Variants in RHOBTB1 observed in about 807,000 individuals in gnomAD.
RHOBTB1 encodes the protein rho-related BTB domain-containing protein 1.
A neutral mutation model predicts 71.6 loss-of-function variants in RHOBTB1; 40 were observed. The ratio of observed to expected loss-of-function variants is 0.56; its 90% CI spans 0.43 to 0.73. The LOEUF is 0.73. Ranked by LOEUF, RHOBTB1 falls within the 30% of genes least tolerant of loss-of-function variation. The pLI is 0.00. For missense variants in RHOBTB1, 797 were observed against 894.0 expected, an observed-to-expected ratio of 0.89 and a Z score of 1.38; for synonymous variants, 319 against 334.9, an observed-to-expected ratio of 0.95 and a Z score of 0.52.
intron 4 of RHOBTB1, among the ~76,000 whole-genome samples, chr10:60,897,079 G>A (rs1174135700): frequency 1.3e-5 from 2 of 152,104 alleles, no homozygotes; most frequent in Middle Eastern, 3.4e-3. Context: ...GCAAAGTTGG[G>A]ACCAATCTTT....
intron 2 of RHOBTB1, among the ~76,000 whole-genome samples, chr10:60,961,935 G>A (rs1368810856): frequency 6.6e-6 from 1 of 151,632 alleles, no homozygotes; most frequent in African/African-American, 2.4e-5. Flanking sequence ...AGCCTCCTGA[G>A]TAGCTGGGAT....
chr10:60,985,303 A>G (rs549388370), intron 2 of RHOBTB1, among the ~76,000 whole-genome samples: 2 of 152,352 alleles, frequency 1.3e-5, no homozygotes, highest in South Asian at 4.1e-4. Flanking sequence ...AAAACTCAAT[A>G]ATGTGGACCT....
intron 6 of RHOBTB1, 98 bp from the exon 7 acceptor site, chr10:60,886,328 C>T (rs908384712): frequency 3.8e-6 from 3 of 782,672 alleles, no homozygotes; most frequent in African/African-American, 1.7e-5. Flanking sequence ...GACTCCCTTA[C>T]TCTCTCTTGC....
downstream of RHOBTB1, among the ~76,000 whole-genome samples, chr10:60,866,413 T>G (rs942025094): frequency 1.3e-5 from 2 of 152,148 alleles, no homozygotes; most frequent in African/African-American, 4.8e-5. Context: ...GAAACAACAC[T>G]GTATATAAAG....
rs186798559 is a variant in RHOBTB1 at position 60,870,371 on chromosome 10, A to G, written c.*1111T>C. ...AGCTTTGTGCTTTCACAGGCTCCCA[A>G]TGCATTTCAGCAGAAGTGGGTGGTC... On this transcript the variant is annotated 3_prime_UTR_variant, in exon 11 of 11. Coordinates refer to ENST00000337910, the MANE Select transcript of RHOBTB1 (RefSeq NM_014836.5). The G allele has an allele frequency of 1.8e-4, 27 of 152,688 alleles. No individual in the cohort carries two copies. Among genetic ancestry groups the G allele is most frequent in the Middle Eastern group, 3.4e-3 (1 of 294 alleles). The allele number at this position is 152,688 out of a possible 1,614,324, so 9.5% of individuals were successfully genotyped here.
chr10:60,862,942 T>C, the RHOBTB1 span, among the ~76,000 whole-genome samples: 2 of 146,698 alleles, frequency 1.4e-5, no homozygotes, highest in African/African-American at 2.5e-5. Flanking sequence ...TTTTGTCATA[T>C]GGTGGGTGAA....
intron 2 of RHOBTB1, among the ~76,000 whole-genome samples, chr10:60,938,210 G>C (rs756359768): frequency 6.6e-6 from 1 of 152,144 alleles, no homozygotes; most frequent in Non-Finnish European, 1.5e-5. Context: ...ATCTTTGCAC[G>C]ACTGGAATTC....
intron 9 of RHOBTB1, 46 bp downstream of exon 9, chr10:60,874,908 A>G (rs1199550302): frequency 2.4e-6 from 3 of 1,260,998 alleles, no homozygotes; most frequent in Non-Finnish European, 3.5e-6. Context: ...GCATTAAATG[A>G]ACTGATTGAA....
chr10:60,940,366 GA>G (rs1381153602), intron 2 of RHOBTB1, among the ~76,000 whole-genome samples: 10 of 152,156 alleles, frequency 6.6e-5, no homozygotes. Context: ...GGGGAGAAGG[GA>G]AGTAGGGGAA....
chr10:60,893,142 G>C, intron 4 of RHOBTB1, 147 bp from the exon 5 acceptor site: 1 of 651,408 alleles, frequency 1.5e-6, no homozygotes, highest in Non-Finnish European at 2.6e-6. Context: ...AAACATCTTG[G>C]AGTCATGCAA....
rs560709099 is a variant in RHOBTB1, at chr10:60,872,117, C to T, written c.1921+68G>A. The T allele has an allele frequency of 3.4e-5, 39 of 1,153,190 alleles. No homozygotes were observed. The South Asian group carries it at 4.7e-4, about 14-fold the overall frequency. The allele number at this position is 1,153,190 out of a possible 1,614,324, so 71.4% of individuals were successfully genotyped here. ...TGCTGACCATGTTCCTTTCCAGGGA[C>T]ATAGAAGATAAAAGCTTCCATGAGA... On this transcript the variant is annotated intron_variant, in intron 10 of 10. Coordinates refer to ENST00000337910, the MANE Select transcript of RHOBTB1 (RefSeq NM_014836.5).
At position 60,933,703 on chromosome 10, in the gene RHOBTB1, G is replaced by GA. The variant is rs926613702; in HGVS notation, c.-11+8100dup. ...GTGAGAGTGAGAATCCGTCAAAAAAGAAAAAAAAAAGGAATGTTCATCATC... is the reference window on the plus strand; with the variant it reads ...GTGAGAGTGAGAATCCGTCAAAAAAGAAAAAAAAAAAGGAATGTTCATCATC... On this transcript the variant is annotated intron_variant, in intron 2 of 10. Transcript: ENST00000337910. Among the ~76,000 whole-genome samples the GA allele has an allele frequency of 1.9e-4, 26 of 133,772 alleles. No homozygotes were observed. In the South Asian group the frequency reaches 2.5e-3, roughly 13 times the overall value. The allele number at this position is 133,772 out of a possible 152,430, so 87.8% of individuals were successfully genotyped here.
In RHOBTB1 at chr10:60,886,980, C is replaced by T. The variant is rs187807217; in HGVS notation, c.1457-750G>A. On this transcript the variant is annotated intron_variant, in intron 6 of 10. Coordinates refer to ENST00000337910, the MANE Select transcript of RHOBTB1 (RefSeq NM_014836.5). ...CTCCTAAATAACCATACTATGATTA[C>T]ACCTAAGAAAATTAAAAATAATTCC... 1.7e-4 allele frequency among the ~76,000 whole-genome samples: 26 copies of T among 151,596 alleles called. 1 individual carries two copies. In the East Asian group the frequency reaches 4.8e-3, roughly 28 times the overall value.
chr10:60,896,478 C>T (rs903567710), intron 4 of RHOBTB1, among the ~76,000 whole-genome samples: 2 of 152,088 alleles, frequency 1.3e-5, no homozygotes, highest in Non-Finnish European at 2.9e-5. Context: ...CATAAGAATT[C>T]GAGAATGCAG....
In RHOBTB1 at chr10:60,974,790, G is replaced by A. The variant is rs1213007907; in HGVS notation, c.-62+11055C>T. The stretch of plus-strand genomic sequence containing the variant: ...AATTACTTACTGGTTGCAGGAACCT[G>A]CAGAAGAGACTTTATTTCTCTGAGG... On this transcript the variant is annotated intron_variant, in intron 2 of 11. Transcript: ENST00000357917. Among the ~76,000 whole-genome samples, 4 of 152,108 alleles carry A rather than the reference G, an allele frequency of 2.6e-5. 1 individual carries two copies. The South Asian group carries it at 8.3e-4, about 31-fold the overall frequency.
At chr10:60,875,806 G>C (rs1463180595) in intron 8 of RHOBTB1, among the ~76,000 whole-genome samples, 2 of 152,184 alleles carry the variant, frequency 1.3e-5, no homozygotes, top group Non-Finnish European at 2.9e-5. Flanking sequence ...AGGCTTCCAA[G>C]CTGAATTTAC....
intron 2 of RHOBTB1, among the ~76,000 whole-genome samples, chr10:60,985,429 G>A (rs988775182): frequency 6.6e-6 from 1 of 152,156 alleles, no homozygotes; most frequent in African/African-American, 2.4e-5. Flanking sequence ...TAAGGCATCT[G>A]GGAAAAAGAG....
chr10:60,956,267 T>TA (rs540276342), intron 2 of RHOBTB1, among the ~76,000 whole-genome samples: 2 of 151,960 alleles, frequency 1.3e-5, no homozygotes, highest in African/African-American at 2.4e-5. Context: ...AATAAAAGAC[T>TA]AAAAAAATGG....
chr10:60,970,601 T>G (rs557260651), intron 2 of RHOBTB1, among the ~76,000 whole-genome samples: 1 of 152,118 alleles, frequency 6.6e-6, no homozygotes, highest in Non-Finnish European at 1.5e-5. Context: ...TTAGAATCAT[T>G]TTGGACAGTA....
Sources: gnomAD v4.1 joint callset for allele counts (sites outside exome capture counted in the v4.1 genomes callset) on GRCh38, gnomAD v4.1.1 for gene constraint, MANE v1.5 for transcripts, NCBI Gene and HGNC (gene_info 2026-07-23, HGNC 2026-07-21) for gene names.